Variants in SBNO1 observed in about 807,000 individuals in gnomAD.
SBNO1 encodes protein strawberry notch homolog 1.
A neutral mutation model predicts 173.6 loss-of-function variants in SBNO1; 23 were observed. That is an observed-to-expected ratio of 0.13 (90% CI 0.10 to 0.19). SBNO1 has a LOEUF of 0.19. Ranked by LOEUF, SBNO1 falls within the 10% of genes least tolerant of loss-of-function variation. The probability of loss-of-function intolerance (pLI) is 1.00; values close to 1 mark genes in which losing one functional copy is unlikely to be tolerated. For synonymous variants in SBNO1, 632 were observed against 571.5 expected (o/e 1.11, Z -1.51); for missense variants, 1,238 against 1,671.2 (o/e 0.74, Z 4.52).
Position 123,292,885 on chromosome 12 carries a change from T to C in SBNO1, c.*3023A>G, listed in dbSNP as rs902535001. The C allele has an allele frequency of 2.0e-5, 3 of 152,214 alleles. No individual in the cohort carries two copies. The highest frequency in any genetic ancestry group is 1.3e-4 in the Admixed American group (2 of 15,286). 9.4% of individuals were successfully genotyped at this position (152,214 alleles called of 1,614,324 possible). On this transcript the variant is annotated 3_prime_UTR_variant, in exon 32 of 32. Coordinates refer to ENST00000602398, the MANE Select transcript of SBNO1 (RefSeq NM_001167856.3). ...TTAAAGAAATGCATTAATACTCCTA[T>C]GAATTTGTATCATTGATAGTGTATC...
chr12:123,324,661 G>A (rs1014847008), intron 15 of SBNO1, among the ~76,000 whole-genome samples: 1 of 152,098 alleles, frequency 6.6e-6, no homozygotes, highest in African/African-American at 2.4e-5. Context: ...GCACAAAATA[G>A]TAGAGCAGCA....
intron 3 of SBNO1, among the ~76,000 whole-genome samples, chr12:123,346,572 G>A (rs1322859147): frequency 6.6e-6 from 1 of 152,168 alleles, no homozygotes; most frequent in African/African-American, 2.4e-5. Flanking sequence ...GCTGAGGCAG[G>A]AGAATGGCCT....
chr12:123,319,913 A>G lies in SBNO1; in HGVS notation c.2786T>C (p.Met929Thr). 1.2e-6 allele frequency: 2 copies of G among 1,613,952 alleles called. No homozygotes were observed. Among genetic ancestry groups the G allele is most frequent in the Non-Finnish European group, 1.7e-6 (2 of 1,179,852 alleles). Residue 929 changes from methionine (M) to threonine (T), a missense_variant, in exon 20 of 32, where the codon ATG becomes ACG. Met to Thr is a moderately conservative substitution (Grantham distance 81, BLOSUM62 -1). Coordinates refer to ENST00000602398, the MANE Select transcript of SBNO1 (RefSeq NM_001167856.3). ...ILNITEKQRF[M>T]DGDKNIAIIS... ...AGTAAAACATACCTTATCTCCATCCATAAATCGTTGTTTTTCTGTGATGTT... is the reference window on the plus strand; with the variant it reads ...AGTAAAACATACCTTATCTCCATCCGTAAATCGTTGTTTTTCTGTGATGTT...
chr12:123,360,696 G>T (rs1183432519), intron 1 of SBNO1, among the ~76,000 whole-genome samples: 2 of 151,906 alleles, frequency 1.3e-5, no homozygotes, highest in African/African-American at 4.8e-5. Flanking sequence ...ACCAGCCTCG[G>T]CCCCCTCAAA....
intron 14 of SBNO1, 143 bp downstream of exon 14, chr12:123,326,009 C>T (rs1031904408): frequency 1.6e-5 from 9 of 557,356 alleles, no homozygotes; most frequent in African/African-American, 5.7e-5. Context: ...GCAGGCATTG[C>T]TTTTATAATT....
At chr12:123,347,437 AG>A (rs1243057870) in intron 3 of SBNO1, among the ~76,000 whole-genome samples, 2 of 151,882 alleles carry the variant, frequency 1.3e-5, no homozygotes, top group Non-Finnish European at 2.9e-5. Context: ...CATGTTAACC[AG>A]GATGGTCTCG....
chr12:123,357,961 T>G (rs1242947599), intron 1 of SBNO1, among the ~76,000 whole-genome samples: 1 of 152,186 alleles, frequency 6.6e-6, no homozygotes, highest in Non-Finnish European at 1.5e-5. Flanking sequence ...ATTAAACAAC[T>G]TTCTTGATTA....
At chr12:123,354,785 T>C (rs187522476) in intron 1 of SBNO1, among the ~76,000 whole-genome samples, 1 of 152,204 alleles carries the variant, frequency 6.6e-6, no homozygotes, top group African/African-American at 2.4e-5. Context: ...AAGGAATTCA[T>C]AGACCTCAGA....
At chr12:123,361,082 A>G (rs1429026347) in intron 1 of SBNO1, among the ~76,000 whole-genome samples, 1 of 152,168 alleles carries the variant, frequency 6.6e-6, no homozygotes, top group African/African-American at 2.4e-5. Context: ...CGTCTCTGCT[A>G]AAAATACAAA....
At chr12:123,302,510 C>T (rs1190510609) in intron 30 of SBNO1, among the ~76,000 whole-genome samples, 2 of 152,096 alleles carry the variant, frequency 1.3e-5, no homozygotes. Context: ...TCCCAAAGTG[C>T]TGGGATTACA....
chr12:123,298,151 G>A lies in SBNO1; in HGVS notation c.3866C>T (p.Ala1289Val). Residue 1289 changes from alanine to valine, a missense_variant, in exon 31 of 32, where the codon GCA (alanine) becomes GTA (valine). This residue lies in a region of SBNO1 where 351 missense variants were observed against 420.3 expected (regional missense o/e 0.84). Transcript: ENST00000602398. ...HAYWRGNCKKASLGLVCEIGL... is the reference protein window; with the variant it reads ...HAYWRGNCKKVSLGLVCEIGL... Reference sequence around the variant, plus strand: ...TATTTCACAAACTAGCCCCAAGCTTGCTTTTTTGCAATTGCCGCGCCTAAG... The same window carrying A: ...TATTTCACAAACTAGCCCCAAGCTTACTTTTTTGCAATTGCCGCGCCTAAG... 2 of 1,612,754 alleles carry A rather than the reference G, an allele frequency of 1.2e-6. No homozygotes were observed. The highest frequency in any genetic ancestry group is 1.7e-6 in the Non-Finnish European group (2 of 1,179,684).
At chr12:123,363,883 C>G in intron 1 of SBNO1, 2 of 985,622 alleles carry the variant, frequency 2.0e-6, no homozygotes, top group Non-Finnish European at 2.4e-6. Flanking sequence ...AAGAAACAAT[C>G]AGAAGGGTTT....
intron 28 of SBNO1, among the ~76,000 whole-genome samples, chr12:123,308,886 C>T (rs1210538844): frequency 6.6e-6 from 1 of 152,140 alleles, no homozygotes; most frequent in African/African-American, 2.4e-5. Context: ...GGCAGGTCAC[C>T]TGAGGTCGGG....
intron 30 of SBNO1, among the ~76,000 whole-genome samples, chr12:123,298,774 C>T (rs1472408262): frequency 2.5e-4 from 38 of 152,180 alleles, no homozygotes; most frequent in Admixed American, 2.5e-3. Flanking sequence ...CATTATTTTA[C>T]TGCAATATTG....
intron 24 of SBNO1, among the ~76,000 whole-genome samples, chr12:123,312,835 C>T (rs1292359085): frequency 2.0e-5 from 3 of 152,090 alleles, no homozygotes; most frequent in African/African-American, 7.2e-5. Flanking sequence ...ATCCAAACCT[C>T]CCACCCCAAC....
rs774410426 is a variant in SBNO1 at position 123,309,763 on chromosome 12, G to T, written c.3389C>A (p.Thr1130Asn). 1 of 1,613,228 alleles carries T rather than the reference G, an allele frequency of 6.2e-7. No homozygotes were observed. Among genetic ancestry groups the T allele is most frequent in the Non-Finnish European group, 8.5e-7 (1 of 1,179,764 alleles). ...TTTTTTGGCATTTTGAACAACTGCAGTAAGTGTGTCCGCAAAATACTGAAA... is the reference window on the plus strand; with the variant it reads ...TTTTTTGGCATTTTGAACAACTGCATTAAGTGTGTCCGCAAAATACTGAAA... ...ALFQYFADTL[T>N]AVVQNAKKNG... Residue 1130 changes from threonine to asparagine, a missense_variant, in exon 26 of 32, where the codon ACT (threonine) becomes AAT (asparagine). Thr to Asn is a moderately conservative substitution (Grantham distance 65). Coordinates refer to ENST00000602398, the MANE Select transcript of SBNO1 (RefSeq NM_001167856.3).
chr12:123,295,924 T>C lies in SBNO1; in HGVS notation c.4166A>G (p.Asn1389Ser), dbSNP rs779622684. ...WQQHHPQSIT[N>S]LSNA ...GTCTGTTCTTCATGCGTTGCTCAAG[T>C]TGGTGATGCTCTGAGGGTGATGCTG... Residue 1389 changes from asparagine to serine, a missense_variant, in exon 32 of 32, where the codon AAC becomes AGC. By Grantham distance (46) the Asn-to-Ser change is conservative (BLOSUM62 1). Transcript: ENST00000602398. 5.0e-6 allele frequency: 8 copies of C among 1,613,320 alleles called. No homozygotes were observed. The highest frequency in any genetic ancestry group is 2.7e-5 in the African/African-American group (2 of 74,922).
intron 5 of SBNO1, among the ~76,000 whole-genome samples, chr12:123,338,256 C>A (rs1444114008): frequency 6.6e-6 from 1 of 152,192 alleles, no homozygotes; most frequent in East Asian, 1.9e-4. Flanking sequence ...GAAGGCCAAA[C>A]AAAATACATT....
At chr12:123,331,481 T>C in intron 7 of SBNO1, 106 bp from the exon 8 acceptor site, 2 of 1,016,780 alleles carry the variant, frequency 2.0e-6, no homozygotes, top group Non-Finnish European at 2.8e-6. Flanking sequence ...TTTTGTTTTG[T>C]ATATGTATTT....
Sources: allele counts gnomAD v4.1 joint callset (sites outside exome capture counted in the v4.1 genomes callset), GRCh38; gene constraint gnomAD v4.1.1; regional missense constraint gnomAD v4.1.1; transcripts MANE v1.5; gene names NCBI Gene and HGNC (gene_info 2026-07-23, HGNC 2026-07-21).